SPAG16: variants seen among roughly 807,000 people sequenced by gnomAD.
SPAG16 encodes the protein sperm associated antigen 16.
SPAG16 carries 86 observed loss-of-function variants against 80.4 expected under a neutral mutation model. The observed-to-expected ratio is 1.07, with a 90% CI of 0.90 to 1.28. The LOEUF (loss-of-function observed/expected upper bound fraction) is 1.28, where lower values mean the gene tolerates loss of function less well. Among genes scored for constraint, SPAG16 ranks in the 50% most tolerant of loss-of-function variants. The probability of loss-of-function intolerance (pLI) is 0.00; values close to 1 mark genes in which losing one functional copy is unlikely to be tolerated. For missense variants in SPAG16, 870 were observed against 765.3 expected (o/e 1.14, Z -1.61); for synonymous variants, 294 against 265.9 (o/e 1.11, Z -1.03).
At chr2:213,879,738 G>T (rs559627060) in intron 11 of SPAG16, among the ~76,000 whole-genome samples, 4 of 152,118 alleles carry the variant, frequency 2.6e-5, no homozygotes, top group Admixed American at 6.5e-5. Flanking sequence ...TGTGGTATTT[G>T]GTTTTCCATT....
At chr2:213,828,706 G>A (rs1389531992) in intron 10 of SPAG16, among the ~76,000 whole-genome samples, 1 of 152,122 alleles carries the variant, frequency 6.6e-6, no homozygotes, top group African/African-American at 2.4e-5. Context: ...TGGTGTTTTG[G>A]TCCAAGTTTT....
At chr2:214,395,793 TG>T (rs1474764875) in intron 15 of SPAG16, among the ~76,000 whole-genome samples, 1 of 152,212 alleles carries the variant, frequency 6.6e-6, no homozygotes, top group Non-Finnish European at 1.5e-5. Context: ...TTTGGTTTTC[TG>T]TTCCTGTGTT....
At chr2:213,552,037 G>C (rs1382660948) in intron 10 of SPAG16, among the ~76,000 whole-genome samples, 1 of 152,032 alleles carries the variant, frequency 6.6e-6, no homozygotes, top group African/African-American at 2.4e-5. Flanking sequence ...ACCTTTATTT[G>C]GTCTTCATAT....
chr2:213,825,235 G>T (rs899093283), intron 10 of SPAG16, among the ~76,000 whole-genome samples: 2 of 151,944 alleles, frequency 1.3e-5, no homozygotes, highest in African/African-American at 4.8e-5. Flanking sequence ...TTGTCTGATT[G>T]CTTTAGCTGG....
At chr2:213,387,701 G>A (rs1056085280) in intron 9 of SPAG16, among the ~76,000 whole-genome samples, 12 of 151,340 alleles carry the variant, frequency 7.9e-5, no homozygotes, top group Admixed American at 2.6e-4. Context: ...TGATCCGCCC[G>A]CCTCGGCCTC....
chr2:213,465,596 A>G (rs1050973805), intron 9 of SPAG16, among the ~76,000 whole-genome samples: 2 of 152,162 alleles, frequency 1.3e-5, no homozygotes, highest in African/African-American at 4.8e-5. Flanking sequence ...AGAGCTTGAT[A>G]TTTGAGGAGG....
At chr2:213,434,058 T>G (rs1219363577) in intron 9 of SPAG16, among the ~76,000 whole-genome samples, 2 of 151,756 alleles carry the variant, frequency 1.3e-5, no homozygotes, top group Non-Finnish European at 2.9e-5. Context: ...GTAGCTGGGA[T>G]TACAGGCACC....
chr2:214,377,115 A>G (rs1700175354), intron 15 of SPAG16, among the ~76,000 whole-genome samples: 1 of 152,178 alleles, frequency 6.6e-6, no homozygotes, highest in Middle Eastern at 3.2e-3. Context: ...TGGTGAGCTC[A>G]AGTGTTGTGA....
intron 3 of SPAG16, among the ~76,000 whole-genome samples, chr2:213,303,416 T>C (rs1227215244): frequency 1.3e-5 from 2 of 152,064 alleles, no homozygotes; most frequent in Non-Finnish European, 2.9e-5. Flanking sequence ...AATCCAATTA[T>C]ACTCATTAAT....
In SPAG16 at chr2:213,674,988, T is replaced by G. The variant is rs2063988781; in HGVS notation, c.1070+184898T>G. Among the ~76,000 whole-genome samples the G allele has an allele frequency of 2.0e-5, 3 of 149,862 alleles. No homozygotes were observed. The South Asian group carries it at 6.2e-4, about 31-fold the overall frequency. On this transcript the variant is annotated intron_variant, in intron 10 of 15. Transcript: ENST00000331683. ...GACTTCCACAATGGTTGAACTAGTT[T>G]ACAGTCCCACCAACAGTGTAAAAGT...
At chr2:213,958,089 C>T (rs2044237584) in intron 12 of SPAG16, among the ~76,000 whole-genome samples, 1 of 152,168 alleles carries the variant, frequency 6.6e-6, no homozygotes, top group East Asian at 1.9e-4. Context: ...CCATCCAGGA[C>T]ACATGCTCAC....
At chr2:213,703,692 A>G (rs2065606921) in intron 10 of SPAG16, among the ~76,000 whole-genome samples, 1 of 152,168 alleles carries the variant, frequency 6.6e-6, no homozygotes, top group South Asian at 2.1e-4. Flanking sequence ...TCTCAGCTTG[A>G]GCGGAGGTCA....
chr2:213,413,127 G>C (rs1458247464), intron 9 of SPAG16, among the ~76,000 whole-genome samples: 1 of 152,024 alleles, frequency 6.6e-6, no homozygotes, highest in East Asian at 1.9e-4. Context: ...ACTATAAATG[G>C]TTTTACTGAA....
intron 10 of SPAG16, among the ~76,000 whole-genome samples, chr2:213,607,888 C>G (rs1261161297): frequency 6.6e-6 from 1 of 152,166 alleles, no homozygotes; most frequent in Non-Finnish European, 1.5e-5. Flanking sequence ...AATTTCCCTT[C>G]CATTAAGGCT....
At chr2:213,997,888 C>T (rs2046604304) in intron 12 of SPAG16, among the ~76,000 whole-genome samples, 1 of 152,164 alleles carries the variant, frequency 6.6e-6, no homozygotes, top group African/African-American at 2.4e-5. Flanking sequence ...AAAAATGGAA[C>T]CCTTACATTG....
At chr2:213,969,935 A>T (rs2044931090) in intron 12 of SPAG16, among the ~76,000 whole-genome samples, 1 of 152,210 alleles carries the variant, frequency 6.6e-6, no homozygotes. Context: ...TAGACTGAGT[A>T]ACTTGTGAAA....
Position 213,364,117 on chromosome 2 carries a change from A to G in SPAG16, c.804A>G (p.Gly268=). The part of the protein sequence containing the change: ...LQETLKKLQR[G]HSYHGPQIKV... ...AAACATTGAAGAAACTGCAAAGAGG[A>G]CATAGTTACCATGGTCCTCAAATTA... Residue 268 remains glycine, a synonymous_variant, in exon 8 of 16, where the codon GGA becomes GGG. Coordinates refer to ENST00000331683, the MANE Select transcript of SPAG16 (RefSeq NM_024532.5). The G allele has an allele frequency of 6.5e-7, 1 of 1,527,516 alleles. No homozygotes were observed. Among genetic ancestry groups the G allele is most frequent in the Non-Finnish European group, 8.8e-7 (1 of 1,140,804 alleles). 94.6% of individuals were successfully genotyped at this position (1,527,516 alleles called of 1,614,324 possible).
At chr2:213,487,406 A>G (rs1332438418) in intron 9 of SPAG16, among the ~76,000 whole-genome samples, 1 of 152,060 alleles carries the variant, frequency 6.6e-6, no homozygotes, top group Non-Finnish European at 1.5e-5. Context: ...TACCTCTTCT[A>G]TCCTGCACAC....
chr2:214,252,844 A>T (rs967651259), intron 15 of SPAG16, among the ~76,000 whole-genome samples: 5 of 152,020 alleles, frequency 3.3e-5, no homozygotes, highest in Admixed American at 2.0e-4. Flanking sequence ...TGGTATTTCT[A>T]AGTTCTAGAA....
Sources: gnomAD v4.1 joint callset for allele counts (sites outside exome capture counted in the v4.1 genomes callset) on GRCh38, gnomAD v4.1.1 for gene constraint, MANE v1.5 for transcripts, NCBI Gene and HGNC (gene_info 2026-07-23, HGNC 2026-07-21) for gene names.